EIF3A: variants seen among roughly 807,000 people sequenced by gnomAD.
EIF3A encodes the protein eukaryotic translation initiation factor 3 subunit A, also known as EIF3, p180 subunit.
Under a neutral mutation model 186.6 loss-of-function variants are expected in EIF3A, and 21 were observed. That is an observed-to-expected ratio of 0.11 (90% CI 0.08 to 0.16). The LOEUF (loss-of-function observed/expected upper bound fraction) is 0.16. EIF3A is among the 10% of genes least tolerant of loss of function. The pLI, the probability that EIF3A is intolerant of heterozygous loss-of-function variation, is 1.00. For synonymous variants in EIF3A, 563 were observed against 584.3 expected (o/e 0.96, Z 0.52); for missense variants, 1,306 against 1,796.3 (o/e 0.73, Z 4.93).
chr10:119,068,217 TAGAGA>T (rs1278491563), intron 6 of EIF3A, among the ~76,000 whole-genome samples: 1 of 152,218 alleles, frequency 6.6e-6, no homozygotes, highest in Non-Finnish European at 1.5e-5. Context: ...AGTTTGTTGC[TAGAGA>T]AGTTTCTCTG....
At chr10:119,072,327 G>A (rs1339410860) in intron 4 of EIF3A, among the ~76,000 whole-genome samples, 1 of 149,572 alleles carries the variant, frequency 6.7e-6, no homozygotes, top group Non-Finnish European at 1.5e-5. Context: ...CATTATTACT[G>A]ATGTTTGTGT....
rs541720445 is a variant in EIF3A, at chr10:119,036,202, C to G, written c.3986G>C (p.Arg1329Pro). 3 of 1,613,622 alleles carry G rather than the reference C, an allele frequency of 1.9e-6. No individual in the cohort carries two copies. The East Asian group carries it at 6.7e-5, about 36-fold the overall frequency. Residue 1329 changes from arginine (R) to proline (P), a missense_variant, in exon 22 of 22, where the codon CGA (arginine) becomes CCA (proline). Arg to Pro is a moderately radical substitution (Grantham distance 103, BLOSUM62 -2). Around this residue, in one of 8 missense-constraint regions of EIF3A, gnomAD observed 331 missense variants for 365.8 expected, o/e 0.90. Transcript: ENST00000369144. ...TCTTGAAAGAGCTGGGGGAGGAACTCGACGAGGAGGGTCCCGCTCTTCCAC... is the reference window on the plus strand; with the variant it reads ...TCTTGAAAGAGCTGGGGGAGGAACTGGACGAGGAGGGTCCCGCTCTTCCAC... ...DRVEERDPPRRVPPPALSRDR... is the reference protein window; with the variant it reads ...DRVEERDPPRPVPPPALSRDR...
chr10:119,051,975 G>T (rs1449257016), intron 14 of EIF3A, among the ~76,000 whole-genome samples: 6 of 152,142 alleles, frequency 3.9e-5, no homozygotes, highest in Admixed American at 3.9e-4. Flanking sequence ...CAATGTTGAC[G>T]ACTGCTGAAT....
chr10:119,067,773 T>C (rs1392582667), intron 6 of EIF3A, among the ~76,000 whole-genome samples: 3 of 152,138 alleles, frequency 2.0e-5, no homozygotes, highest in Non-Finnish European at 2.9e-5. Context: ...GGTGGACCAA[T>C]ACAAGAAAAC....
chr10:119,061,189 GTGGTAA>G (rs1843879347), intron 8 of EIF3A, 29 bp downstream of exon 8: 1 of 1,242,558 alleles, frequency 8.0e-7, no homozygotes, highest in Non-Finnish European at 1.2e-6. Flanking sequence ...GGCCAACTCT[GTGGTAA>G]CAACCAGAAC....
chr10:119,040,180 C>A (rs183982170), intron 19 of EIF3A, among the ~76,000 whole-genome samples: 10 of 152,266 alleles, frequency 6.6e-5, no homozygotes, highest in African/African-American at 2.2e-4. Context: ...TGGTTATTTC[C>A]CTGACACCCA....
intron 14 of EIF3A, among the ~76,000 whole-genome samples, chr10:119,054,280 CT>C: frequency 6.6e-6 from 1 of 152,272 alleles, no homozygotes. Flanking sequence ...GAGTTATAGC[CT>C]TGCTCTCGAT....
rs61029991 is a variant in EIF3A, at chr10:119,052,368, T to TTGTGTGTGTGTGTGTGTGTGTGTGTG, written c.2197-1073_2197-1048dup. ...CTTCAGGTTATAGTCTTTTTTGGTTTTGTGTGTGTGTGTGTGTGTGTGTGT... is the reference window on the plus strand; with the variant it reads ...CTTCAGGTTATAGTCTTTTTTGGTTTTGTGTGTGTGTGTGTGTGTGTGTGTGTGTGTGTGTGTGTGTGTGTGTGTGT... On this transcript the variant is annotated intron_variant, in intron 14 of 21. Coordinates refer to ENST00000369144, the MANE Select transcript of EIF3A (RefSeq NM_003750.4). 9.1e-3 allele frequency among the ~76,000 whole-genome samples: 1,117 copies of TTGTGTGTGTGTGTGTGTGTGTGTGTG among 123,022 alleles called. 58 individuals carry two copies. Among genetic ancestry groups the TTGTGTGTGTGTGTGTGTGTGTGTGTG allele is most frequent in the East Asian group, 0.015 (61 of 4,100 alleles). 80.7% of individuals were successfully genotyped at this position (123,022 alleles called of 152,430 possible). A position where few individuals can be genotyped will look rare whatever the true frequency, so the allele number is the denominator to read the frequency against.
rs947330541 is a variant in EIF3A at position 119,070,166 on chromosome 10, T to C, written c.742-512A>G. The stretch of plus-strand genomic sequence containing the variant: ...AGACTCCCAATTTTTAGTTTCTTCC[T>C]CTATAATTTCAATCAAATATTGTCC... On this transcript the variant is annotated intron_variant, in intron 5 of 21. Transcript: ENST00000369144. Among the ~76,000 whole-genome samples the C allele has an allele frequency of 4.6e-5, 7 of 152,228 alleles. No homozygotes were observed. In the South Asian group the frequency reaches 1.4e-3, roughly 31 times the overall value.
Position 119,061,339 on chromosome 10 carries a change from C to G in EIF3A, c.1123-11G>C. On this transcript the variant is annotated splice_polypyrimidine_tract_variant and intron_variant, in intron 7 of 21. Transcript: ENST00000369144. ...TACATTAAATCTGACCTACAGTAAGCAAAACAAAAGATGTAACTGCCAAAG... is the reference window on the plus strand; with the variant it reads ...TACATTAAATCTGACCTACAGTAAGGAAAACAAAAGATGTAACTGCCAAAG... 7.7e-7 allele frequency: 1 copy of G among 1,306,066 alleles called. No individual in the cohort carries two copies. Among genetic ancestry groups the G allele is most frequent in the Non-Finnish European group, 1.1e-6 (1 of 937,154 alleles). The allele number at this position is 1,306,066 out of a possible 1,614,324, so 80.9% of individuals were successfully genotyped here.
rs1843844695 is a variant in EIF3A, at chr10:119,059,340, T to C, written c.1501A>G (p.Thr501Ala). The C allele has an allele frequency of 1.2e-6, 2 of 1,612,468 alleles. No individual in the cohort carries two copies. Among genetic ancestry groups the C allele is most frequent in the Non-Finnish European group, 1.7e-6 (2 of 1,179,376 alleles). The change falls in exon 11 of 22, where the codon ACT becomes GCT. Residue 501 changes from threonine to alanine, a missense_variant. By Grantham distance (58) the Thr-to-Ala change is moderately conservative (BLOSUM62 0). Coordinates refer to ENST00000369144, the MANE Select transcript of EIF3A (RefSeq NM_003750.4). ...GGACCAATCGGAGCATCTTCTCGAG[T>C]AGCATAATTCAAATCAGATCCAAAA... is the stretch of plus-strand genomic sequence containing the variant. Reference protein sequence around the residue: ...LSFGSDLNYATREDAPIGPHL... With the variant: ...LSFGSDLNYAAREDAPIGPHL...
At chr10:119,054,415 A>T (rs1052739945) in intron 14 of EIF3A, among the ~76,000 whole-genome samples, 1 of 151,812 alleles carries the variant, frequency 6.6e-6, no homozygotes, top group African/African-American at 2.4e-5. Context: ...AGCATTTTTA[A>T]TTTCAAGAAC....
chr10:119,062,592 A>G (rs904564552), intron 7 of EIF3A, among the ~76,000 whole-genome samples: 1 of 152,188 alleles, frequency 6.6e-6, no homozygotes, highest in African/African-American at 2.4e-5. Flanking sequence ...TAGATGCCCT[A>G]GTTGTTGGTC....
intron 14 of EIF3A, among the ~76,000 whole-genome samples, chr10:119,055,112 G>A (rs1399115162): frequency 1.3e-5 from 2 of 152,144 alleles, no homozygotes; most frequent in Non-Finnish European, 2.9e-5. Context: ...GGAGGCTGCG[G>A]CCAGAGAATC....
chr10:119,080,252 G>T, intron 1 of EIF3A: 2 of 938,564 alleles, frequency 2.1e-6, no homozygotes, highest in Non-Finnish European at 2.5e-6. Flanking sequence ...CCCAGATGGC[G>T]GCCGGGGACG....
chr10:119,061,452 C>G (rs915039170), intron 7 of EIF3A, 124 bp from the exon 8 acceptor site: 15 of 489,782 alleles, frequency 3.1e-5, no homozygotes, highest in African/African-American at 2.2e-4. Flanking sequence ...AAGCCTCAAC[C>G]TCCTCTAAAT....
chr10:119,046,000 C>A (rs112787749), intron 17 of EIF3A, among the ~76,000 whole-genome samples: 2,439 of 152,196 alleles, frequency 0.016, 66 homozygotes, highest in African/African-American at 0.056. Flanking sequence ...AGAACTTTAA[C>A]AGAGCAAGAA....
At chr10:119,063,915 T>C (rs900217486) in intron 7 of EIF3A, among the ~76,000 whole-genome samples, 3 of 152,190 alleles carry the variant, frequency 2.0e-5, no homozygotes, top group African/African-American at 7.2e-5. Flanking sequence ...AAATCCCGTC[T>C]CCACTAAAAC....
At chr10:119,080,418 C>G in intron 1 of EIF3A, 1 of 985,412 alleles carries the variant, frequency 1.0e-6, no homozygotes, top group Non-Finnish European at 1.2e-6. Flanking sequence ...CCTGGGGCGA[C>G]GGTTCCGGGC....
Sources: gnomAD v4.1 joint callset for allele counts (sites outside exome capture counted in the v4.1 genomes callset) on GRCh38, gnomAD v4.1.1 for gene constraint, gnomAD v4.1.1 regional missense constraint, MANE v1.5 for transcripts, NCBI Gene and HGNC (gene_info 2026-07-23, HGNC 2026-07-21) for gene names.